SLC25A1: variants seen among roughly 807,000 people sequenced by gnomAD.
SLC25A1 encodes tricarboxylate transport protein, mitochondrial.
In SLC25A1, 26 loss-of-function variants were observed where a neutral mutation model predicts 38.1. That is an observed-to-expected ratio of 0.68 (90% CI 0.50 to 0.95). The LOEUF (loss-of-function observed/expected upper bound fraction) is 0.95, where lower values mean the gene tolerates loss of function less well. Among genes scored for constraint, SLC25A1 ranks in the 40% least tolerant of loss-of-function variants. SLC25A1 has a pLI of 0.00. For missense variants in SLC25A1, 378 were observed against 426.6 expected, an observed-to-expected ratio of 0.89 and a Z score of 1.00; for synonymous variants, 211 against 183.2, an observed-to-expected ratio of 1.15 and a Z score of -1.23.
Position 19,177,930 on chromosome 22 carries a change from G to T in SLC25A1, c.302+12C>A, listed in dbSNP as rs1260396920. 3.1e-6 allele frequency: 5 copies of T among 1,590,824 alleles called. No homozygotes were observed. The highest frequency in any genetic ancestry group is 3.4e-6 in the Non-Finnish European group (4 of 1,170,870). Reference sequence around the variant, plus strand: ...AGCCCCCCTCCCGCAGCAGCCACCGGCCGGGCCTCACCTGACGGCCGCCTT... The same window carrying T: ...AGCCCCCCTCCCGCAGCAGCCACCGTCCGGGCCTCACCTGACGGCCGCCTT... On this transcript the variant is annotated intron_variant, in intron 3 of 8. Transcript: ENST00000215882.
chr22:19,177,677 C>T (rs1555922867), intron 4 of SLC25A1, 50 bp downstream of exon 4: 2 of 1,597,878 alleles, frequency 1.3e-6, no homozygotes, highest in South Asian at 2.2e-5. Context: ...CGGGGCCGCC[C>T]GTCTCCGTAC....
Position 19,178,116 on chromosome 22 carries a change from G to A in SLC25A1, c.202+17C>T. 6.5e-7 allele frequency: 1 copy of A among 1,533,852 alleles called. No homozygotes were observed. The highest frequency in any genetic ancestry group is 8.8e-7 in the Non-Finnish European group (1 of 1,140,602). On this transcript the variant is annotated intron_variant, in intron 2 of 8. Transcript: ENST00000215882. The surrounding 1 kb of genome is among the most constrained non-coding windows in gnomAD (Gnocchi z 4.9). Reference sequence around the variant, plus strand: ...GGGTACCCGCCCCCCGCGGCGCCGCGGCCTCCCCCTCCTCACCGATGCCCC... The same window carrying A: ...GGGTACCCGCCCCCCGCGGCGCCGCAGCCTCCCCCTCCTCACCGATGCCCC...
At position 19,176,222 on chromosome 22, in the gene SLC25A1, G is replaced by T; in HGVS notation, c.844C>A (p.Arg282Ser). The T allele has an allele frequency of 6.2e-7, 1 of 1,613,088 alleles. No individual in the cohort carries two copies. The highest frequency in any genetic ancestry group is 8.5e-7 in the Non-Finnish European group (1 of 1,179,938). ...ACATCCAGGCAGACCCGGCCCAGGC[G>T]GGGGACAGTGCCCTTGTAGAATCTG... ...LKAFYKGTVPRLGRVCLDVAI... is the reference protein window; with the variant it reads ...LKAFYKGTVPSLGRVCLDVAI... Residue 282 changes from arginine (R) to serine (S), a missense_variant, in exon 9 of 9, where the codon CGC becomes AGC. By Grantham distance (110) the Arg-to-Ser change is moderately radical (BLOSUM62 -1). Transcript: ENST00000215882.
At position 19,176,925 on chromosome 22, in the gene SLC25A1, G is replaced by A; in HGVS notation, c.552C>T (p.Leu184=). ...EQGLKGTYQG[L]TATVLKQGSN... ...AGCCCTGCTTCAGGACAGTGGCTGT[G>A]AGGCCCTGGTACGTCCCCTTCAGCC... Residue 184 remains leucine (L), a synonymous_variant, in exon 6 of 9, where the codon CTC becomes CTT. Transcript: ENST00000215882. The A allele has an allele frequency of 6.2e-7, 1 of 1,613,652 alleles. No homozygotes were observed. Among genetic ancestry groups the A allele is most frequent in the East Asian group, 2.2e-5 (1 of 44,884 alleles).
Position 19,176,070 on chromosome 22 carries a change from A to C in SLC25A1, c.*60T>G, listed in dbSNP as rs1443727729. The stretch of plus-strand genomic sequence containing the variant: ...GGCACTACTGCACTGGAATCGTGAG[A>C]CAAAGGTAGCAGGACACTCTGGCGG... On this transcript the variant is annotated 3_prime_UTR_variant, in exon 9 of 9. Transcript: ENST00000215882. 2.1e-6 allele frequency: 3 copies of C among 1,408,714 alleles called. No individual in the cohort carries two copies. Among genetic ancestry groups the C allele is most frequent in the Non-Finnish European group, 3.0e-6 (3 of 994,874 alleles). 87.3% of individuals were successfully genotyped at this position (1,408,714 alleles called of 1,614,324 possible). A position where few individuals can be genotyped will look rare whatever the true frequency, so the allele number is the denominator to read the frequency against.
intron 4 of SLC25A1, 34 bp from the exon 5 acceptor site, chr22:19,177,238 C>CT: frequency 6.3e-7 from 1 of 1,585,994 alleles, no homozygotes; most frequent in Non-Finnish European, 8.7e-7. Context: ...AGGTTCTCGG[C>CT]TGCCACCTGG....
In SLC25A1 at chr22:19,177,880, C is replaced by CG. The variant is rs1490081664; in HGVS notation, c.303-16dup. 137 of 1,594,594 alleles carry CG rather than the reference C, an allele frequency of 8.6e-5. No homozygotes were observed. The highest frequency in any genetic ancestry group is 1.1e-4 in the Non-Finnish European group (126 of 1,172,004). ...ACATTCCAAACCTGGAGGCGGGAGGCGGGTGAGAGGGGCTGCCGCGGCCGA... is the reference window on the plus strand; with the variant it reads ...ACATTCCAAACCTGGAGGCGGGAGGCGGGGTGAGAGGGGCTGCCGCGGCCGA... On this transcript the variant is annotated splice_polypyrimidine_tract_variant and intron_variant, in intron 3 of 8. Coordinates refer to ENST00000215882, the MANE Select transcript of SLC25A1 (RefSeq NM_005984.5).
In SLC25A1 at chr22:19,178,703, G is replaced by A; in HGVS notation, c.-30C>T. ...GGCGGGAGGCGGGGCGCCCTGTGGC[G>A]GCTTCGGGTCCGAGACTCCAGAACT... On this transcript the variant is annotated 5_prime_UTR_variant, in exon 1 of 9. Coordinates refer to ENST00000215882, the MANE Select transcript of SLC25A1 (RefSeq NM_005984.5). The surrounding 1 kb of genome is among the most constrained non-coding windows in gnomAD (Gnocchi z 4.9). 9.7e-7 allele frequency: 1 copy of A among 1,028,408 alleles called. No homozygotes were observed. The highest frequency in any genetic ancestry group is 1.2e-6 in the Non-Finnish European group (1 of 843,638). The allele number at this position is 1,028,408 out of a possible 1,614,324, so 63.7% of individuals were successfully genotyped here.
Position 19,178,161 on chromosome 22 carries a change from G to A in SLC25A1, c.174C>T (p.Arg58=). 3.2e-6 allele frequency: 5 copies of A among 1,547,506 alleles called. No homozygotes were observed. Among genetic ancestry groups the A allele is most frequent in the Admixed American group, 2.0e-5 (1 of 51,204 alleles). Residue 58 remains arginine, a synonymous_variant, in exon 2 of 9, where the codon CGC becomes CGT. Transcript: ENST00000215882. This position sits in a 1 kb window ranked among gnomAD's most constrained non-coding sequence, Gnocchi z 4.9. The part of the protein sequence containing the change: ...YVKTQLQLDE[R]SHPPRYRGIG... Reference sequence around the variant, plus strand: ...TGCCCCGGTACCGCGGCGGGTGCGAGCGCTCGTCCAGCTGCAGCTGCGTCT... The same window carrying A: ...TGCCCCGGTACCGCGGCGGGTGCGAACGCTCGTCCAGCTGCAGCTGCGTCT...
Position 19,177,224 on chromosome 22 carries a change from G to T in SLC25A1, c.442-20C>A. On this transcript the variant is annotated intron_variant, in intron 4 of 8. Transcript: ENST00000215882. ...CTTCACCTGAGAGAGAGAAGCAAAG[G>T]CGCAGGTTCTCGGCTGCCACCTGGG... 1 of 1,609,248 alleles carries T rather than the reference G, an allele frequency of 6.2e-7. No homozygotes were observed. Among genetic ancestry groups the T allele is most frequent in the East Asian group, 2.2e-5 (1 of 44,792 alleles).
chr22:19,176,670 T>G lies in SLC25A1; in HGVS notation c.655A>C (p.Asn219His). The change falls in exon 7 of 9, where the codon AAC becomes CAC. Residue 219 changes from asparagine (N) to histidine (H), a missense_variant. Transcript: ENST00000215882. ...CCGAAGACCCCAGTGATCAGAGGGT[T>G]CATGGGCTTGTTGGGGTTGTCCCCT... is the stretch of plus-strand genomic sequence containing the variant. ...YRGDNPNKPM[N>H]PLITGVFGAI... is the part of the protein sequence containing the mutation. The G allele has an allele frequency of 6.2e-7, 1 of 1,613,942 alleles. No individual in the cohort carries two copies. Among genetic ancestry groups the G allele is most frequent in the Middle Eastern group, 1.6e-4 (1 of 6,062 alleles).
At chr22:19,177,590 C>T in intron 4 of SLC25A1, 137 bp downstream of exon 4, 2 of 1,222,462 alleles carry the variant, frequency 1.6e-6, no homozygotes, top group Non-Finnish European at 2.3e-6. Context: ...CAGGGCCCCG[C>T]GGTCACCCCG....
intron 4 of SLC25A1, 111 bp downstream of exon 4, chr22:19,177,616 G>T: frequency 6.8e-7 from 1 of 1,472,080 alleles, no homozygotes; most frequent in Non-Finnish European, 9.2e-7. Context: ...CTTCCCTGGC[G>T]TCCAGGAGAC....
Position 19,178,576 on chromosome 22 carries a change from C to T in SLC25A1, c.94+4G>A. ...AGAGGGGTCCGCGTCCCGGAGGGGC[C>T]CACCTGCCAGGATCGCCTTCCCCGG... On this transcript the variant is annotated splice_donor_region_variant and intron_variant, in intron 1 of 8. Transcript: ENST00000215882. This position sits in a 1 kb window ranked among gnomAD's most constrained non-coding sequence, Gnocchi z 4.9. 2 of 1,226,402 alleles carry T rather than the reference C, an allele frequency of 1.6e-6. No homozygotes were observed. The highest frequency in any genetic ancestry group is 2.0e-6 in the Non-Finnish European group (2 of 983,850). 76.0% of individuals were successfully genotyped at this position (1,226,402 alleles called of 1,614,324 possible).
At chr22:19,177,247 G>T in intron 4 of SLC25A1, 43 bp from the exon 5 acceptor site, 1 of 1,553,228 alleles carries the variant, frequency 6.4e-7, no homozygotes, top group Non-Finnish European at 8.9e-7. Flanking sequence ...GCTGCCACCT[G>T]GGTGGGTCCT....
chr22:19,176,831 G>C lies in SLC25A1; in HGVS notation c.631+15C>G, dbSNP rs1456799342. ...TGGCCATGTGCAGAGATGGGGCCCT[G>C]TGATGCAGACACACCTCGGTACCAG... On this transcript the variant is annotated intron_variant, in intron 6 of 8. Transcript: ENST00000215882. 1 of 1,612,764 alleles carries C rather than the reference G, an allele frequency of 6.2e-7. No individual in the cohort carries two copies. Among genetic ancestry groups the C allele is most frequent in the African/African-American group, 1.3e-5 (1 of 74,920 alleles).
Position 19,178,069 on chromosome 22 carries a change from C to CG in SLC25A1, c.203-29dup. 1.3e-6 allele frequency: 2 copies of CG among 1,554,844 alleles called. No homozygotes were observed. The highest frequency in any genetic ancestry group is 2.4e-5 in the South Asian group (2 of 84,648). On this transcript the variant is annotated intron_variant, in intron 2 of 8. Coordinates refer to ENST00000215882, the MANE Select transcript of SLC25A1 (RefSeq NM_005984.5). The surrounding 1 kb of genome is among the most constrained non-coding windows in gnomAD (Gnocchi z 4.9). Reference sequence around the variant, plus strand: ...GGGGGAGGGGGCGGTCAGGACCCCACGGCCCTCGGTGCCGCCGCCCTGGGT... The same window carrying CG: ...GGGGGAGGGGGCGGTCAGGACCCCACGGGCCCTCGGTGCCGCCGCCCTGGGT...
rs782604095 is a variant in SLC25A1, at chr22:19,176,443, G to A, written c.799C>T (p.Leu267=). 3.7e-6 allele frequency: 6 copies of A among 1,613,648 alleles called. No homozygotes were observed. The South Asian group carries it at 4.4e-5, about 12-fold the overall frequency. ...CACGCCTTGAGCCCCTCCTTCTTCA[G>A]GATCTGCAAGCCGCAGTCCCACGTG... ...RNTWDCGLQI[L]KKEGLKAFYK... The change falls in exon 8 of 9, where the codon CTG becomes TTG. Residue 267 remains leucine, a synonymous_variant. Coordinates refer to ENST00000215882, the MANE Select transcript of SLC25A1 (RefSeq NM_005984.5).
Position 19,176,125 on chromosome 22 carries a change from TA to T in SLC25A1, c.*4del. The stretch of plus-strand genomic sequence containing the variant: ...TGGGGCGGTCCCCTTGCGGCCTCTC[TA>T]GGCTTAGTCCGTCTTCCACACTTTG... On this transcript the variant is annotated 3_prime_UTR_variant, in exon 9 of 9. Transcript: ENST00000215882. 1 of 1,613,030 alleles carries T rather than the reference TA, an allele frequency of 6.2e-7. No individual in the cohort carries two copies. The highest frequency in any genetic ancestry group is 8.5e-7 in the Non-Finnish European group (1 of 1,179,364).
Sources: allele counts gnomAD v4.1 joint callset, GRCh38; gene constraint gnomAD v4.1.1; non-coding constraint Gnocchi (gnomAD v3.1); transcripts MANE v1.5; gene names NCBI Gene and HGNC (gene_info 2026-07-23, HGNC 2026-07-21).